Variants in TUBA1C observed in about 807,000 individuals in gnomAD.
TUBA1C encodes tubulin alpha-1C chain.
In TUBA1C, 16 loss-of-function variants were observed where a neutral mutation model predicts 34.9. The observed-to-expected ratio is 0.46, with a 90% CI of 0.31 to 0.70. The LOEUF is 0.70. Ranked by LOEUF, TUBA1C falls within the 30% of genes least tolerant of loss-of-function variation. The pLI, the probability that TUBA1C is intolerant of heterozygous loss-of-function variation, is 0.05. For missense variants in TUBA1C, 329 were observed against 587.3 expected, an observed-to-expected ratio of 0.56 and a Z score of 4.55; for synonymous variants, 177 against 215.9, an observed-to-expected ratio of 0.82 and a Z score of 1.58.
chr12:49,260,810 A>C (rs1942833632), upstream of TUBA1C, among the ~76,000 whole-genome samples: 1 of 152,124 alleles, frequency 6.6e-6, no homozygotes, highest in South Asian at 2.1e-4. Context: ...GGCGTACTGC[A>C]GCCTCAGCCT....
At chr12:49,242,340 T>C (rs551666265) in intron 1 of TUBA1C, among the ~76,000 whole-genome samples, 136 of 152,306 alleles carry the variant, frequency 8.9e-4, no homozygotes, top group Non-Finnish European at 1.7e-3. Context: ...AAAAATGTGG[T>C]TTGGAGCCAC....
chr12:49,246,152 C>T (rs763452276), intron 1 of TUBA1C, among the ~76,000 whole-genome samples: 20 of 151,430 alleles, frequency 1.3e-4, no homozygotes, highest in African/African-American at 4.6e-4. Context: ...GTGATCTGCC[C>T]GCCTCAGCCT....
Position 49,246,592 on chromosome 12 carries a change from A to G in TUBA1C, c.213+18426A>G, listed in dbSNP as rs530627546. Among the ~76,000 whole-genome samples the G allele has an allele frequency of 1.1e-4, 16 of 151,870 alleles. No homozygotes were observed. The East Asian group carries it at 2.0e-3, about 19-fold the overall frequency. Reference sequence around the variant, plus strand: ...TGGGAGGCTGAGGCAGGAGAATGGCATGAACCCGGGAGGCGGAGCTTGCAG... The same window carrying G: ...TGGGAGGCTGAGGCAGGAGAATGGCGTGAACCCGGGAGGCGGAGCTTGCAG... On this transcript the variant is annotated intron_variant, in intron 1 of 3. Coordinates refer to the TUBA1C transcript ENST00000541364.
In TUBA1C at chr12:49,265,170, C is replaced by A. The variant is rs1364935759; in HGVS notation, c.-12C>A. 2 of 1,603,742 alleles carry A rather than the reference C, an allele frequency of 1.2e-6. No individual in the cohort carries two copies. Among genetic ancestry groups the A allele is most frequent in the African/African-American group, 1.3e-5 (1 of 74,752 alleles). On this transcript the variant is annotated 5_prime_UTR_variant, in exon 1 of 4. Transcript: ENST00000301072. Reference sequence around the variant, plus strand: ...CCTCCTTCACCGCCGCAGACCCCTTCAAGTTCTAGTCATGGTGAGTGGGGT... The same window carrying A: ...CCTCCTTCACCGCCGCAGACCCCTTAAAGTTCTAGTCATGGTGAGTGGGGT...
intron 1 of TUBA1C, among the ~76,000 whole-genome samples, chr12:49,255,092 G>A (rs1383634409): frequency 6.6e-6 from 1 of 151,834 alleles, no homozygotes; most frequent in Non-Finnish European, 1.5e-5. Context: ...ACCTCAGGCT[G>A]TTTTAGAGCA....
chr12:49,248,886 A>AG (rs1942704294), intron 1 of TUBA1C, among the ~76,000 whole-genome samples: 1 of 151,434 alleles, frequency 6.6e-6, no homozygotes, highest in East Asian at 1.9e-4. Flanking sequence ...AAAAAAAAAA[A>AG]AAAGTTAGAA....
chr12:49,251,444 T>TACAAAAGTC (rs951340961), intron 1 of TUBA1C, among the ~76,000 whole-genome samples: 5 of 152,240 alleles, frequency 3.3e-5, no homozygotes, highest in African/African-American at 1.2e-4. Flanking sequence ...TAAATATTGA[T>TACAAAAGTC]ACAAAAGTCG....
rs1317026979 is a variant in TUBA1C at position 49,269,982 on chromosome 12, T to C, written c.375+6T>C. 1 of 1,614,188 alleles carries C rather than the reference T, an allele frequency of 6.2e-7. No homozygotes were observed. The highest frequency in any genetic ancestry group is 8.5e-7 in the Non-Finnish European group (1 of 1,180,040). ...TGGACCGAATTCGCAAGCTGGTAAGTATAGTACTTTAAATAAAGTGGGATG... is the reference window on the plus strand; with the variant it reads ...TGGACCGAATTCGCAAGCTGGTAAGCATAGTACTTTAAATAAAGTGGGATG... On this transcript the variant is annotated splice_donor_region_variant and intron_variant, in intron 3 of 3. Transcript: ENST00000301072.
intron 1 of TUBA1C, 68 bp downstream of exon 1, chr12:49,265,252 T>G: frequency 7.1e-7 from 1 of 1,400,900 alleles, no homozygotes; most frequent in South Asian, 1.3e-5. Flanking sequence ...CGGAAACTAC[T>G]GCCTGCACCT....
At chr12:49,235,253 T>A (rs1208865382) in intron 1 of TUBA1C, among the ~76,000 whole-genome samples, 1 of 147,372 alleles carries the variant, frequency 6.8e-6, no homozygotes. Context: ...TTAGAATGCT[T>A]AAAAAAAAAA....
At position 49,272,942 on chromosome 12, in the gene TUBA1C, T is replaced by C. The variant is rs771134260; in HGVS notation, c.1065T>C (p.Ile355=). 22 of 1,614,058 alleles carry C rather than the reference T, an allele frequency of 1.4e-5. No homozygotes were observed. Among genetic ancestry groups the C allele is most frequent in the Middle Eastern group, 3.3e-4 (2 of 6,080 alleles). The change falls in exon 4 of 4, where the codon ATT becomes ATC. Residue 355 remains isoleucine (I), a synonymous_variant. Coordinates refer to ENST00000301072, the MANE Select transcript of TUBA1C (RefSeq NM_032704.5). ...GCCCCACTGGCTTCAAGGTTGGCAT[T>C]AATTACCAGCCTCCCACTGTGGTGC... ...DWCPTGFKVG[I]NYQPPTVVPG... is the part of the protein sequence containing the mutation.
Position 49,273,320 on chromosome 12 carries a change from A to T in TUBA1C, c.*93A>T, listed in dbSNP as rs9668136. 1 allele frequency: 1,606,716 copies of T among 1,607,418 alleles called. 803,009 individuals carry two copies. Among genetic ancestry groups the T allele is most frequent in the Middle Eastern group, 1 (6,020 of 6,020 alleles). ...TGCCGTAAATTGTTAATAAAATTGA[A>T]GTTTCCATTTTAAATGTCGAGCTGA... On this transcript the variant is annotated 3_prime_UTR_variant, in exon 4 of 4. Coordinates refer to ENST00000301072, the MANE Select transcript of TUBA1C (RefSeq NM_032704.5).
At position 49,272,704 on chromosome 12, in the gene TUBA1C, T is replaced by C; in HGVS notation, c.827T>C (p.Ile276Thr). The C allele has an allele frequency of 6.2e-7, 1 of 1,612,566 alleles. No individual in the cohort carries two copies. Among genetic ancestry groups the C allele is most frequent in the Non-Finnish European group, 8.5e-7 (1 of 1,179,906 alleles). ...CCTCTGGCCACATATGCCCCTGTCA[T>C]CTCTGCTGAGAAAGCCTACCACGAA... ...HFPLATYAPV[I>T]SAEKAYHEQL... The change falls in exon 4 of 4, where the codon ATC becomes ACC. Residue 276 changes from isoleucine to threonine, a missense_variant. Ile to Thr is a moderately conservative substitution (Grantham distance 89). Around this residue, in one of 4 missense-constraint regions of TUBA1C, gnomAD observed 140 missense variants for 289.8 expected, o/e 0.48. Coordinates refer to ENST00000301072, the MANE Select transcript of TUBA1C (RefSeq NM_032704.5).
chr12:49,264,818 TTCCTCCCCTTCCTCC>T (rs1942879663), upstream of TUBA1C: 2 of 93,538 alleles, frequency 2.1e-5, no homozygotes. Context: ...CTTCCTCCCC[TTCCTCCCCTTCCTCC>T]CCTTCCTCCC....
intron 1 of TUBA1C, among the ~76,000 whole-genome samples, chr12:49,252,697 G>T (rs1465478949): frequency 3.9e-5 from 6 of 152,166 alleles, no homozygotes; most frequent in African/African-American, 1.2e-4. Flanking sequence ...GGATCACGAG[G>T]TCAGGAGATC....
At chr12:49,257,727 C>T (rs940825231) in intron 1 of TUBA1C, among the ~76,000 whole-genome samples, 2 of 151,652 alleles carry the variant, frequency 1.3e-5, no homozygotes, top group African/African-American at 4.8e-5. Context: ...TGCAGTGAGT[C>T]GTGATCATGC....
chr12:49,272,158 G>C, intron 3 of TUBA1C, 95 bp from the exon 4 acceptor site: 1 of 1,522,162 alleles, frequency 6.6e-7, no homozygotes, highest in Non-Finnish European at 8.8e-7. Context: ...AATTGGAGTA[G>C]CCATAGATTT....
At chr12:49,237,468 T>C (rs9919695) in intron 1 of TUBA1C, among the ~76,000 whole-genome samples, 9,482 of 145,336 alleles carry the variant, frequency 0.065, 373 homozygotes, top group African/African-American at 0.12. Context: ...CTGGGCTGGA[T>C]GTGGTGGCTC....
At position 49,255,596 on chromosome 12, in the gene TUBA1C, T is replaced by C. The variant is rs576369988; in HGVS notation, c.214-13869T>C. Reference sequence around the variant, plus strand: ...TTTTTCGAGACTGAGTCTCATTCTATCACCCATGCTGGAGTGCAGTGGCGC... The same window carrying C: ...TTTTTCGAGACTGAGTCTCATTCTACCACCCATGCTGGAGTGCAGTGGCGC... On this transcript the variant is annotated intron_variant, in intron 1 of 3. Transcript: ENST00000541364. 4.6e-5 allele frequency among the ~76,000 whole-genome samples: 7 copies of C among 152,144 alleles called. No homozygotes were observed. The South Asian group carries it at 1.5e-3, about 32-fold the overall frequency.
Sources: allele counts gnomAD v4.1 joint callset (sites outside exome capture counted in the v4.1 genomes callset), GRCh38; gene constraint gnomAD v4.1.1; regional missense constraint gnomAD v4.1.1; transcripts MANE v1.5; gene names NCBI Gene and HGNC (gene_info 2026-07-23, HGNC 2026-07-21).